DLG1: variants seen among roughly 807,000 people sequenced by gnomAD.
DLG1 encodes the protein discs large MAGUK scaffold protein 1.
In DLG1, 42 loss-of-function variants were observed where a neutral mutation model predicts 123.4. That is an observed-to-expected ratio of 0.34 (90% CI 0.27 to 0.44). DLG1 has a LOEUF of 0.44. Ranked by LOEUF, DLG1 falls within the 20% of genes least tolerant of loss-of-function variation. The pLI is 1.00. For missense variants in DLG1, 942 were observed against 1,082.6 expected (o/e 0.87, Z 1.82); for synonymous variants, 317 against 356.2 (o/e 0.89, Z 1.24).
intron 3 of DLG1, among the ~76,000 whole-genome samples, chr3:197,294,911 G>GTA (rs149880794): frequency 0.012 from 1,819 of 152,000 alleles, 39 homozygotes; most frequent in African/African-American, 0.04. Context: ...ATACATATAT[G>GTA]TATATATATA....
chr3:197,159,492 T>C (rs1021029330), intron 5 of DLG1, among the ~76,000 whole-genome samples: 4 of 152,346 alleles, frequency 2.6e-5, no homozygotes, highest in East Asian at 1.9e-4. Flanking sequence ...AAAGACAGAC[T>C]AGATTCTAAA....
intron 13 of DLG1, among the ~76,000 whole-genome samples, chr3:197,112,771 T>G (rs1579454939): frequency 6.6e-6 from 1 of 151,922 alleles, no homozygotes; most frequent in East Asian, 1.9e-4. Context: ...AAAAAAAATT[T>G]TTTTTTTAAA....
At chr3:197,194,735 G>A (rs922911172) in intron 4 of DLG1, 146 bp from the exon 5 acceptor site, 6 of 472,472 alleles carry the variant, frequency 1.3e-5, no homozygotes, top group Non-Finnish European at 2.2e-5. Context: ...AGAGAAATAG[G>A]ATTTTACTTT....
At chr3:197,132,356 A>C (rs1244093250) in intron 10 of DLG1, among the ~76,000 whole-genome samples, 1 of 152,134 alleles carries the variant, frequency 6.6e-6, no homozygotes, top group Non-Finnish European at 1.5e-5. Context: ...CCATGTATTA[A>C]CAATATTAAC....
chr3:197,058,746 ACT>A (rs1198208504), intron 23 of DLG1, among the ~76,000 whole-genome samples: 1 of 152,060 alleles, frequency 6.6e-6, no homozygotes, highest in Admixed American at 6.6e-5. Context: ...CCATACCTTC[ACT>A]GATTTTTATA....
chr3:197,174,371 C>T (rs987614494), intron 5 of DLG1, among the ~76,000 whole-genome samples: 26 of 152,112 alleles, frequency 1.7e-4, no homozygotes, highest in African/African-American at 6.0e-4. Context: ...ACAAGATATA[C>T]ATATGGAAAT....
At chr3:197,142,843 G>T in intron 6 of DLG1, 75 bp from the exon 7 acceptor site, 3 of 1,159,078 alleles carry the variant, frequency 2.6e-6, no homozygotes, top group South Asian at 1.4e-5. Context: ...ATTTTTGTAT[G>T]ATTTATTAAT....
chr3:197,225,078 C>A (rs1234585538), intron 4 of DLG1, among the ~76,000 whole-genome samples: 1 of 152,100 alleles, frequency 6.6e-6, no homozygotes, highest in African/African-American at 2.4e-5. Flanking sequence ...TGCCTCAGCC[C>A]CCCAAGTAGC....
intron 4 of DLG1, among the ~76,000 whole-genome samples, chr3:197,271,011 G>A (rs1345947252): frequency 1.3e-5 from 2 of 152,160 alleles, no homozygotes; most frequent in Admixed American, 1.3e-4. Flanking sequence ...TAAAGGGGGG[G>A]AAAAGAAGAT....
At chr3:197,282,536 C>A in intron 4 of DLG1, 143 bp downstream of exon 4, 2 of 515,110 alleles carry the variant, frequency 3.9e-6, no homozygotes, top group South Asian at 7.9e-5. Context: ...ATTTTTAACC[C>A]CATTCTCTTT....
At chr3:197,134,950 CTTTT>C in intron 10 of DLG1, among the ~76,000 whole-genome samples, 1 of 152,216 alleles carries the variant, frequency 6.6e-6, no homozygotes, top group Non-Finnish European at 1.5e-5. Flanking sequence ...ACCTTTCTTT[CTTTT>C]CTCTGGATGG....
intron 18 of DLG1, among the ~76,000 whole-genome samples, chr3:197,072,944 G>T (rs913601757): frequency 1.3e-5 from 2 of 152,138 alleles, no homozygotes; most frequent in African/African-American, 4.8e-5. Context: ...TGATCTGCTG[G>T]CCTCAGCCTC....
chr3:197,120,457 T>C (rs1775728641), intron 11 of DLG1, among the ~76,000 whole-genome samples: 1 of 152,122 alleles, frequency 6.6e-6, no homozygotes, highest in Non-Finnish European at 1.5e-5. Context: ...CATAAGACAC[T>C]TGAATTATTC....
At chr3:197,297,854 G>C (rs1286139012) in intron 1 of DLG1, 3 of 985,298 alleles carry the variant, frequency 3.0e-6, no homozygotes, top group Non-Finnish European at 3.6e-6. Context: ...GGCCAGACTC[G>C]GAGCAGCTCC....
At chr3:197,151,002 C>T (rs1019932724) in intron 5 of DLG1, among the ~76,000 whole-genome samples, 4 of 151,970 alleles carry the variant, frequency 2.6e-5, no homozygotes, top group Non-Finnish European at 5.9e-5. Flanking sequence ...TTGAATAATT[C>T]GGTGAAAGTC....
intron 5 of DLG1, among the ~76,000 whole-genome samples, chr3:197,178,659 A>G (rs1186876069): frequency 6.6e-6 from 1 of 152,182 alleles, no homozygotes; most frequent in African/African-American, 2.4e-5. Context: ...GCAGTAGGAA[A>G]AAGGAGGATA....
rs560347202 is a variant in DLG1, at chr3:197,133,290, CAA to C, written c.1021-2621_1021-2620del. Among the ~76,000 whole-genome samples the C allele has an allele frequency of 6.4e-3, 971 of 152,290 alleles. 12 individuals are homozygous for C. The highest frequency in any genetic ancestry group is 6.7e-3 in the Non-Finnish European group (457 of 68,010). ...CTGTGTGAAACTCACCCTAACCACGCAAAGAGACCACTGGATAATTAAGCACC... is the reference window on the plus strand; with the variant it reads ...CTGTGTGAAACTCACCCTAACCACGCAGAGACCACTGGATAATTAAGCACC... On this transcript the variant is annotated intron_variant, in intron 10 of 24. Coordinates refer to ENST00000667157, the MANE Select transcript of DLG1 (RefSeq NM_001366207.1).
At chr3:197,287,494 T>G (rs1772449593) in intron 3 of DLG1, among the ~76,000 whole-genome samples, 1 of 152,048 alleles carries the variant, frequency 6.6e-6, no homozygotes, top group Non-Finnish European at 1.5e-5. Flanking sequence ...AGAAAAATAT[T>G]GATAAACCCA....
chr3:197,086,392 G>A (rs9868345), intron 15 of DLG1, among the ~76,000 whole-genome samples: 45,831 of 152,092 alleles, frequency 0.3, 7,627 homozygotes, highest in African/African-American at 0.42. Flanking sequence ...AATATTGTGT[G>A]CTACCACTTG....
Sources: allele counts gnomAD v4.1 joint callset (sites outside exome capture counted in the v4.1 genomes callset), GRCh38; gene constraint gnomAD v4.1.1; transcripts MANE v1.5; gene names NCBI Gene and HGNC (gene_info 2026-07-23, HGNC 2026-07-21).